MLLT3: variants seen among roughly 807,000 people sequenced by gnomAD.
MLLT3 encodes MLLT3 super elongation complex subunit.
In MLLT3, 4 loss-of-function variants were observed where a neutral mutation model predicts 53.2. The ratio of observed to expected loss-of-function variants is 0.08; its 90% CI spans 0.04 to 0.17. The LOEUF is 0.17. Ranked by LOEUF, MLLT3 falls within the 10% of genes least tolerant of loss-of-function variation. The pLI, the probability that MLLT3 is intolerant of heterozygous loss-of-function variation, is 1.00. For missense variants in MLLT3, 569 were observed against 684.0 expected (o/e 0.83, Z 1.87); for synonymous variants, 283 against 230.6 (o/e 1.23, Z -2.06).
chr9:20,580,985 A>G (rs1310612771), intron 2 of MLLT3, among the ~76,000 whole-genome samples: 6 of 152,250 alleles, frequency 3.9e-5, no homozygotes, highest in African/African-American at 1.4e-4. Context: ...GCTACACTGC[A>G]TTTGGTAATT....
At chr9:20,614,596 G>A (rs570750367) in intron 2 of MLLT3, among the ~76,000 whole-genome samples, 12 of 151,726 alleles carry the variant, frequency 7.9e-5, no homozygotes, top group African/African-American at 1.2e-4. Flanking sequence ...CAGATAACTC[G>A]TCCATGGTTT....
At chr9:20,560,063 T>C (rs1230597631) in intron 2 of MLLT3, among the ~76,000 whole-genome samples, 1 of 152,158 alleles carries the variant, frequency 6.6e-6, no homozygotes, top group Non-Finnish European at 1.5e-5. Flanking sequence ...TTTCAAGCAG[T>C]CTCAGGTGTT....
chr9:20,462,685 A>G (rs1824140213), intron 2 of MLLT3, among the ~76,000 whole-genome samples: 1 of 152,100 alleles, frequency 6.6e-6, no homozygotes, highest in Non-Finnish European at 1.5e-5. Flanking sequence ...GCTAATCCTA[A>G]TACATCTGCT....
At chr9:20,545,856 C>CAAA (rs5896901) in intron 2 of MLLT3, among the ~76,000 whole-genome samples, 51 of 99,772 alleles carry the variant, frequency 5.1e-4, no homozygotes, top group Middle Eastern at 4.8e-3. Context: ...CAGTCTCTAC[C>CAAA]AAAAAAAAAA....
chr9:20,539,748 T>A (rs1437828864), intron 2 of MLLT3, among the ~76,000 whole-genome samples: 5 of 152,178 alleles, frequency 3.3e-5, no homozygotes, highest in Non-Finnish European at 7.4e-5. Flanking sequence ...CCAAATCTCA[T>A]GACCTTCTCA....
intron 3 of MLLT3, among the ~76,000 whole-genome samples, chr9:20,449,116 T>C (rs1030391153): frequency 1.3e-5 from 2 of 152,166 alleles, no homozygotes; most frequent in African/African-American, 4.8e-5. Context: ...GACTCCCCAC[T>C]GCCTCTCCTC....
rs1189910004 is a variant in MLLT3, at chr9:20,604,282, T to G, written c.193+16372A>C. Among the ~76,000 whole-genome samples the G allele has an allele frequency of 2.0e-5, 3 of 152,212 alleles. No homozygotes were observed. The East Asian group carries it at 5.8e-4, about 29-fold the overall frequency. On this transcript the variant is annotated intron_variant, in intron 2 of 10. Transcript: ENST00000380338. ...TCTACACTTATCCAAGATGAGATTT[T>G]AAAGTCAATGAGTTAGTATTTCCTC...
intron 2 of MLLT3, among the ~76,000 whole-genome samples, chr9:20,464,570 A>C (rs1824189110): frequency 6.6e-6 from 1 of 152,184 alleles, no homozygotes; most frequent in African/African-American, 2.4e-5. Flanking sequence ...ATGATAATAA[A>C]ACAGACTTAA....
rs926826596 is a variant in MLLT3, at chr9:20,363,233, C to G, written c.1331+243G>C. On this transcript the variant is annotated intron_variant, in intron 7 of 10. Transcript: ENST00000380338. ...GCCACTTGGCATACTTTTCCAAGGA[C>G]AAGGACATCTAATGTGACTTTTTCC... The G allele has an allele frequency of 1.7e-5, 7 of 407,434 alleles. No homozygotes were observed. In the East Asian group the frequency reaches 2.8e-4, roughly 17 times the overall value. The allele number at this position is 407,434 out of a possible 1,614,324, so 25.2% of individuals were successfully genotyped here.
chr9:20,407,368 T>C (rs1477758061), intron 5 of MLLT3, among the ~76,000 whole-genome samples: 1 of 152,162 alleles, frequency 6.6e-6, no homozygotes, highest in Non-Finnish European at 1.5e-5. Flanking sequence ...TTATTTTAAG[T>C]GAGGATGTGT....
intron 5 of MLLT3, among the ~76,000 whole-genome samples, chr9:20,382,977 G>C (rs1821941496): frequency 6.6e-6 from 1 of 151,872 alleles, no homozygotes; most frequent in African/African-American, 2.4e-5. Context: ...AGTCACTATA[G>C]AGGATCACAT....
At chr9:20,581,837 C>T (rs902556247) in intron 2 of MLLT3, among the ~76,000 whole-genome samples, 1 of 152,164 alleles carries the variant, frequency 6.6e-6, no homozygotes, top group African/African-American at 2.4e-5. Flanking sequence ...TCAACAACAA[C>T]AACAGAAATG....
chr9:20,442,501 T>A (rs1478905203), intron 4 of MLLT3, among the ~76,000 whole-genome samples: 3 of 152,078 alleles, frequency 2.0e-5, no homozygotes, highest in Non-Finnish European at 2.9e-5. Context: ...TTCAAAAAAA[T>A]TAAAATTTGA....
At chr9:20,513,175 A>C (rs975347177) in intron 2 of MLLT3, among the ~76,000 whole-genome samples, 4 of 152,138 alleles carry the variant, frequency 2.6e-5, no homozygotes, top group African/African-American at 9.7e-5. Context: ...CCTAATGCCT[A>C]AGTGTCTGAC....
chr9:20,592,358 G>C (rs1170022362), intron 2 of MLLT3, among the ~76,000 whole-genome samples: 1 of 152,194 alleles, frequency 6.6e-6, no homozygotes, highest in Non-Finnish European at 1.5e-5. Flanking sequence ...TACAGCTCTG[G>C]AGGCTCTAAG....
chr9:20,510,593 C>T (rs1450788573), intron 2 of MLLT3, among the ~76,000 whole-genome samples: 1 of 122,158 alleles, frequency 8.2e-6, no homozygotes, highest in Non-Finnish European at 1.6e-5. Flanking sequence ...GCCTGGGCGA[C>T]AGATCAAGAC....
In MLLT3 at chr9:20,566,044, A is replaced by C. The variant is rs1327640593; in HGVS notation, c.193+54610T>G. 3.4e-5 allele frequency among the ~76,000 whole-genome samples: 4 copies of C among 116,522 alleles called. No homozygotes were observed. The South Asian group carries it at 1.0e-3, about 30-fold the overall frequency. 76.4% of individuals were successfully genotyped at this position (116,522 alleles called of 152,430 possible). A position where few individuals can be genotyped will look rare whatever the true frequency, so the allele number is the denominator to read the frequency against. On this transcript the variant is annotated intron_variant, in intron 2 of 10. Coordinates refer to ENST00000380338, the MANE Select transcript of MLLT3 (RefSeq NM_004529.4). Reference sequence around the variant, plus strand: ...TATATTTATTTATATTTATTTATTTATATATATATTTATATATATATTTGT... The same window carrying C: ...TATATTTATTTATATTTATTTATTTCTATATATATTTATATATATATTTGT...
At chr9:20,542,298 C>T (rs1280740250) in intron 2 of MLLT3, among the ~76,000 whole-genome samples, 1 of 144,104 alleles carries the variant, frequency 6.9e-6, no homozygotes, top group Non-Finnish European at 1.5e-5. Context: ...GGCCGGACTG[C>T]GGACCGCAGT....
Position 20,413,908 on chromosome 9 carries a change from G to A in MLLT3, c.938C>T (p.Ala313Val). 6.2e-7 allele frequency: 1 copy of A among 1,613,522 alleles called. No individual in the cohort carries two copies. Among genetic ancestry groups the A allele is most frequent in the Non-Finnish European group, 8.5e-7 (1 of 1,179,902 alleles). The change falls in exon 5 of 11, where the codon GCA (alanine) becomes GTA (valine). Residue 313 changes from alanine to valine, a missense_variant. Coordinates refer to ENST00000380338, the MANE Select transcript of MLLT3 (RefSeq NM_004529.4). ...SEALFKSFSS[A>V]PPLILTCSAD... is the part of the protein sequence containing the mutation. ...AGAACAAGTGAGTATCAGTGGTGGT[G>A]CGCTAGAAAAACTTTTAAATAAAGC...
Sources: gnomAD v4.1 joint callset for allele counts (sites outside exome capture counted in the v4.1 genomes callset) on GRCh38, gnomAD v4.1.1 for gene constraint, MANE v1.5 for transcripts, NCBI Gene and HGNC (gene_info 2026-07-23, HGNC 2026-07-21) for gene names.